The following SYNE1 variants were observed in gnomAD, a reference collection of about 807,000 sequenced individuals.
The protein encoded by SYNE1 is nesprin-1.
In SYNE1, 616 loss-of-function variants were observed where a neutral mutation model predicts 1,111.0. The ratio of observed to expected loss-of-function variants is 0.55; its 90% CI spans 0.52 to 0.59. The LOEUF (loss-of-function observed/expected upper bound fraction) is 0.59, where lower values mean the gene tolerates loss of function less well. Ranked by LOEUF, SYNE1 falls within the 20% of genes least tolerant of loss-of-function variation. SYNE1 has a pLI of 0.00. For missense variants in SYNE1, 10,006 were observed against 10,417.0 expected (o/e 0.96, Z 1.72); for synonymous variants, 3,855 against 3,825.8 (o/e 1.01, Z -0.28).
intron 131 of SYNE1, among the ~76,000 whole-genome samples, chr6:152,160,248 T>C (rs1479742410): frequency 2.0e-5 from 3 of 152,188 alleles, no homozygotes; most frequent in Admixed American, 2.0e-4. Flanking sequence ...TAACTCATTT[T>C]CCTGGATTTT....
intron 75 of SYNE1, among the ~76,000 whole-genome samples, chr6:152,338,827 G>A (rs1190365366): frequency 6.6e-6 from 1 of 152,142 alleles, no homozygotes; most frequent in African/African-American, 2.4e-5. Context: ...GATTGTGACA[G>A]ATGGCATGCT....
chr6:152,381,439 G>T (rs961621518), intron 55 of SYNE1, 77 bp from the exon 56 acceptor site: 14 of 1,473,382 alleles, frequency 9.5e-6, no homozygotes, highest in Non-Finnish European at 1.2e-5. Flanking sequence ...GTGTACACAG[G>T]GGGACCCTGT....
At chr6:152,238,983 C>T (rs2084886813) in intron 108 of SYNE1, among the ~76,000 whole-genome samples, 1 of 151,828 alleles carries the variant, frequency 6.6e-6, no homozygotes, top group Non-Finnish European at 1.5e-5. Flanking sequence ...ACTGCAACCA[C>T]TGCCTCCCGG....
rs768574390 is a variant in SYNE1, at chr6:152,391,495, G to A, written c.7786C>T (p.Arg2596Cys). The A allele has an allele frequency of 5.6e-6, 9 of 1,611,860 alleles. No homozygotes were observed. The highest frequency in any genetic ancestry group is 1.1e-5 in the South Asian group (1 of 91,008). ...CTTGTGAGGAGCTGGGAACACAGGC[G>A]GCCCTCCTGCCCAGCACCGTGGCCT... ...EEGHGAGQEGRLCSQLLTSHQ... is the reference protein window; with the variant it reads ...EEGHGAGQEGCLCSQLLTSHQ... The change falls in exon 52 of 146, where the codon CGC becomes TGC. Residue 2596 changes from arginine to cysteine, a missense_variant. Physicochemically the swap from Arg to Cys is radical, Grantham distance 180. Coordinates refer to ENST00000367255, the MANE Select transcript of SYNE1 (RefSeq NM_182961.4).
intron 105 of SYNE1, among the ~76,000 whole-genome samples, chr6:152,245,233 C>T (rs1260933061): frequency 2.0e-5 from 3 of 152,214 alleles, no homozygotes; most frequent in African/African-American, 7.2e-5. Flanking sequence ...AACAAGATCT[C>T]ATCCTGTCCT....
Position 152,325,182 on chromosome 6 carries a change from T to A in SYNE1, c.15559A>T (p.Thr5187Ser), listed in dbSNP as rs1418422904. 1 of 1,614,086 alleles carries A rather than the reference T, an allele frequency of 6.2e-7. No individual in the cohort carries two copies. Among genetic ancestry groups the A allele is most frequent in the African/African-American group, 1.3e-5 (1 of 74,924 alleles). The stretch of plus-strand genomic sequence containing the variant: ...AGGCGTGTCCAGCGCTGCCAGACGG[T>A]GGTCATTGACCTGCTCAGGGTGGCT... ...SKATLSRSMT[T>S]VWQRWTRLRA... Residue 5187 changes from threonine to serine, a missense_variant, in exon 81 of 146, where the codon ACC (threonine) becomes TCC (serine). By Grantham distance (58) the Thr-to-Ser change is moderately conservative (BLOSUM62 1). Coordinates refer to ENST00000367255, the MANE Select transcript of SYNE1 (RefSeq NM_182961.4).
At chr6:152,269,417 T>C in intron 98 of SYNE1, 131 bp from the exon 99 acceptor site, 1 of 1,336,908 alleles carries the variant, frequency 7.5e-7, no homozygotes, top group South Asian at 1.2e-5. Context: ...GAAACCACAT[T>C]TTTTAAAAAA....
At chr6:152,366,110 G>C (rs962852346) in intron 62 of SYNE1, among the ~76,000 whole-genome samples, 1 of 151,710 alleles carries the variant, frequency 6.6e-6, no homozygotes, top group Non-Finnish European at 1.5e-5. Flanking sequence ...AGGTGGGCAG[G>C]TCACCTGAGG....
At position 152,446,108 on chromosome 6, in the gene SYNE1, A is replaced by AT. The variant is rs11351100; in HGVS notation, c.3669+1349dup. 7.2e-3 allele frequency among the ~76,000 whole-genome samples: 931 copies of AT among 129,488 alleles called. 4 individuals are homozygous for AT. The highest frequency in any genetic ancestry group is 0.012 in the African/African-American group (425 of 34,454). 84.9% of individuals were successfully genotyped at this position (129,488 alleles called of 152,430 possible). On this transcript the variant is annotated intron_variant, in intron 29 of 145. Transcript: ENST00000367255. ...TGACTTCTAACTTTAAAGACAGTCA[A>AT]TTTTTTTTTTTTTTTTTTTTGGTGA...
intron 41 of SYNE1, among the ~76,000 whole-genome samples, chr6:152,415,901 G>A (rs1434334072): frequency 1.3e-5 from 2 of 150,800 alleles, no homozygotes; most frequent in African/African-American, 2.4e-5. Flanking sequence ...AGTTGATTTT[G>A]CCAAGGTTAA....
chr6:152,239,463 A>C (rs930685644), intron 108 of SYNE1, 70 bp downstream of exon 108: 29 of 1,588,216 alleles, frequency 1.8e-5, no homozygotes, highest in Non-Finnish European at 2.4e-5. Flanking sequence ...GGATAGATAC[A>C]TCTTGCATTA....
intron 133 of SYNE1, among the ~76,000 whole-genome samples, chr6:152,154,524 G>A (rs904723328): frequency 1.3e-5 from 2 of 151,138 alleles, no homozygotes; most frequent in African/African-American, 2.4e-5. Flanking sequence ...GTATGTGGAA[G>A]GTAGATTTTT....
Position 152,498,772 on chromosome 6 carries a change from T to C in SYNE1, c.909A>G (p.Pro303=). ...QEDDEILPGF[P]SFANSVQNFK... ...AATTTTGTACAGAATTTGCAAAAGATGGGAAACCTGGAAGTATTTCCTAAC... is the reference window on the plus strand; with the variant it reads ...AATTTTGTACAGAATTTGCAAAAGACGGGAAACCTGGAAGTATTTCCTAAC... The change falls in exon 11 of 146, where the codon CCA becomes CCG. Residue 303 remains proline (P), a synonymous_variant. Coordinates refer to ENST00000367255, the MANE Select transcript of SYNE1 (RefSeq NM_182961.4). The C allele has an allele frequency of 1.3e-6, 2 of 1,556,456 alleles. No homozygotes were observed.
At chr6:152,537,180 T>G (rs551674646) in intron 4 of SYNE1, among the ~76,000 whole-genome samples, 14 of 152,190 alleles carry the variant, frequency 9.2e-5, no homozygotes, top group African/African-American at 3.4e-4. Flanking sequence ...TGAAAGAAAT[T>G]ATCAGGTATA....
chr6:152,272,238 G>A (rs1280949603), intron 98 of SYNE1, among the ~76,000 whole-genome samples: 2 of 152,170 alleles, frequency 1.3e-5, no homozygotes, highest in Non-Finnish European at 2.9e-5. Context: ...TTTCCCCTGG[G>A]GATAAGAAGG....
At chr6:152,313,481 T>G (rs1562986687) in intron 87 of SYNE1, among the ~76,000 whole-genome samples, 2 of 140,274 alleles carry the variant, frequency 1.4e-5, no homozygotes, top group African/African-American at 5.5e-5. Context: ...TTTTTTTTTT[T>G]GAAATGGAGT....
rs756229240 is a variant in SYNE1 at position 152,442,080 on chromosome 6, T to G, written c.4003A>C (p.Ile1335Leu). 2.4e-5 allele frequency: 38 copies of G among 1,613,998 alleles called. No individual in the cohort carries two copies. Among genetic ancestry groups the G allele is most frequent in the Non-Finnish European group, 3.2e-5 (38 of 1,180,050 alleles). Residue 1335 changes from isoleucine to leucine, a missense_variant, in exon 31 of 146, where the codon ATC becomes CTC. Ile to Leu is a conservative substitution (Grantham distance 5). Around this residue, in one of 7 missense-constraint regions of SYNE1, gnomAD observed 1,971 missense variants for 2,084.1 expected, o/e 0.95. Coordinates refer to ENST00000367255, the MANE Select transcript of SYNE1 (RefSeq NM_182961.4). Reference protein sequence around the residue: ...ERSRERQERRIQVTLRKWERF... With the variant: ...ERSRERQERRLQVTLRKWERF... ...CCCTAACTTCCGGCTCCTACCTGGA[T>G]GCGGCGTTCCTGCCTCTCCCGGCTG...
intron 39 of SYNE1, among the ~76,000 whole-genome samples, chr6:152,421,018 A>G (rs2098250595): frequency 6.6e-6 from 1 of 152,240 alleles, no homozygotes; most frequent in African/African-American, 2.4e-5. Context: ...TATTTTACCA[A>G]GGCTTTGACT....
At chr6:152,363,359 T>C (rs1367972268) in intron 63 of SYNE1, among the ~76,000 whole-genome samples, 1 of 148,978 alleles carries the variant, frequency 6.7e-6, no homozygotes, top group Non-Finnish European at 1.5e-5. Context: ...CCGGGCATGG[T>C]GGCGGGCGCC....
Sources: allele counts gnomAD v4.1 joint callset (sites outside exome capture counted in the v4.1 genomes callset), GRCh38; gene constraint gnomAD v4.1.1; regional missense constraint gnomAD v4.1.1; transcripts MANE v1.5; gene names NCBI Gene and HGNC (gene_info 2026-07-23, HGNC 2026-07-21).